The following MBNL1 variants were observed in gnomAD, a reference collection of about 807,000 sequenced individuals.
MBNL1 encodes the protein muscleblind like splicing regulator 1, also known as muscleblind-like protein 1.
Under a neutral mutation model 42.2 loss-of-function variants are expected in MBNL1, and 8 were observed. The observed-to-expected ratio is 0.19, with a 90% CI of 0.11 to 0.34. MBNL1 has a LOEUF of 0.34. MBNL1 is among the 10% of genes least tolerant of loss of function. The pLI is 1.00. For synonymous variants in MBNL1, 169 were observed against 173.9 expected, an observed-to-expected ratio of 0.97 and a Z score of 0.22; for missense variants, 309 against 495.3, an observed-to-expected ratio of 0.62 and a Z score of 3.57.
intron 2 of MBNL1, chr3:152,338,547 CAG>C (rs2092008652): frequency 1.0e-6 from 1 of 985,220 alleles, no homozygotes; most frequent in Non-Finnish European, 1.2e-6. Flanking sequence ...CCTGGACACT[CAG>C]TGGTAGCAGC....
At chr3:152,285,760 C>T (rs116587751) in intron 1 of MBNL1, among the ~76,000 whole-genome samples, 2,103 of 151,198 alleles carry the variant, frequency 0.014, 44 homozygotes, top group African/African-American at 0.049. Flanking sequence ...GTAGCTTGTA[C>T]TGCAGGCATG....
chr3:152,255,361 CT>C (rs2035306040), intron 2 of MBNL1, among the ~76,000 whole-genome samples: 1 of 151,870 alleles, frequency 6.6e-6, no homozygotes, highest in Non-Finnish European at 1.5e-5. Context: ...AATATTGAGC[CT>C]TAACTTAAAA....
At chr3:152,296,933 G>A (rs544065818) in intron 1 of MBNL1, among the ~76,000 whole-genome samples, 167 of 152,162 alleles carry the variant, frequency 1.1e-3, no homozygotes, top group Non-Finnish European at 2.1e-3. Context: ...TGGTCTAGTG[G>A]GTCAGATATA....
At chr3:152,413,116 T>C (rs1192614832) in intron 2 of MBNL1, among the ~76,000 whole-genome samples, 1 of 152,188 alleles carries the variant, frequency 6.6e-6, no homozygotes, top group Non-Finnish European at 1.5e-5. Flanking sequence ...TCTAAGGTTG[T>C]TTTTGGTTGT....
intron 2 of MBNL1, among the ~76,000 whole-genome samples, chr3:152,400,139 A>G (rs1256974005): frequency 6.6e-6 from 1 of 152,174 alleles, no homozygotes; most frequent in African/African-American, 2.4e-5. Flanking sequence ...TAAAAGCTAC[A>G]TATTATTGTG....
At chr3:152,348,988 CATA>C (rs1475187631) in intron 2 of MBNL1, among the ~76,000 whole-genome samples, 2 of 152,002 alleles carry the variant, frequency 1.3e-5, no homozygotes, top group East Asian at 1.9e-4. Context: ...TTACAGAGAG[CATA>C]ATAAGTCTTA....
intron 3 of MBNL1, among the ~76,000 whole-genome samples, chr3:152,427,940 A>G (rs1189820915): frequency 2.6e-5 from 4 of 151,722 alleles, no homozygotes; most frequent in Non-Finnish European, 4.4e-5. Flanking sequence ...AATCTCAAAC[A>G]TTGCAAAACA....
At chr3:152,396,091 G>A (rs1333818898) in intron 2 of MBNL1, 6 of 245,262 alleles carry the variant, frequency 2.4e-5, no homozygotes. Flanking sequence ...AACTGTGCAT[G>A]CAGGGGATCT....
chr3:152,435,666 TC>T (rs2153790800), intron 4 of MBNL1, among the ~76,000 whole-genome samples: 1 of 152,342 alleles, frequency 6.6e-6, no homozygotes, highest in East Asian at 1.9e-4. Context: ...ATTCTTCCTA[TC>T]CATGAGCATG....
At chr3:152,414,131 T>G (rs2153641126) in intron 2 of MBNL1, among the ~76,000 whole-genome samples, 1 of 152,318 alleles carries the variant, frequency 6.6e-6, no homozygotes, top group East Asian at 1.9e-4. Flanking sequence ...ATGGTATATA[T>G]TCAAGGAAGG....
At chr3:152,270,755 T>C (rs1001155834) in intron 1 of MBNL1, among the ~76,000 whole-genome samples, 4 of 152,216 alleles carry the variant, frequency 2.6e-5, no homozygotes, top group African/African-American at 9.7e-5. Context: ...AAACCTAATG[T>C]TCTAGTTTTT....
chr3:152,334,330 A>G (rs936569035), intron 2 of MBNL1, among the ~76,000 whole-genome samples: 1 of 152,226 alleles, frequency 6.6e-6, no homozygotes, highest in African/African-American at 2.4e-5. Context: ...AAAAAACTGT[A>G]GATGGCTTTT....
chr3:152,292,158 A>G (rs1397773267), intron 1 of MBNL1, among the ~76,000 whole-genome samples: 1 of 152,212 alleles, frequency 6.6e-6, no homozygotes, highest in Non-Finnish European at 1.5e-5. Context: ...TAGAGCTAGT[A>G]TGCAAAGTGC....
At chr3:152,271,061 T>C (rs922321304) in intron 1 of MBNL1, among the ~76,000 whole-genome samples, 3 of 152,220 alleles carry the variant, frequency 2.0e-5, no homozygotes, top group African/African-American at 7.2e-5. Context: ...TATGTAACTG[T>C]GAACAAATTT....
intron 5 of MBNL1, 86 bp downstream of exon 5, chr3:152,445,625 T>C: frequency 7.1e-7 from 1 of 1,410,002 alleles, no homozygotes; most frequent in Non-Finnish European, 9.6e-7. Context: ...ATTCATTTAG[T>C]AACCTTTTTA....
At chr3:152,297,254 G>GTTTTTTT (rs1023006189) in intron 1 of MBNL1, among the ~76,000 whole-genome samples, 6 of 101,516 alleles carry the variant, frequency 5.9e-5, no homozygotes, top group Non-Finnish European at 8.2e-5. Context: ...CTGGACCTTT[G>GTTTTTTT]TTTTTTTTTT....
chr3:152,404,494 A>C (rs780878479), intron 2 of MBNL1, among the ~76,000 whole-genome samples: 4 of 152,128 alleles, frequency 2.6e-5, no homozygotes, highest in Non-Finnish European at 5.9e-5. Flanking sequence ...AGCAGGTACA[A>C]ATACAACAAA....
intron 2 of MBNL1, among the ~76,000 whole-genome samples, chr3:152,382,609 C>T (rs2097225112): frequency 6.6e-6 from 1 of 152,080 alleles, no homozygotes; most frequent in Non-Finnish European, 1.5e-5. Flanking sequence ...ATATGTATCC[C>T]AGGCAATTAA....
intron 2 of MBNL1, among the ~76,000 whole-genome samples, chr3:152,371,423 C>T (rs1335455245): frequency 6.6e-6 from 1 of 152,114 alleles, no homozygotes; most frequent in African/African-American, 2.4e-5. Flanking sequence ...CATGGGAAAA[C>T]TCCATCTCTA....
Sources: allele counts gnomAD v4.1 joint callset (sites outside exome capture counted in the v4.1 genomes callset), GRCh38; gene constraint gnomAD v4.1.1; transcripts MANE v1.5; gene names NCBI Gene and HGNC (gene_info 2026-07-23, HGNC 2026-07-21).